MORN3: variants seen among roughly 807,000 people sequenced by gnomAD.
MORN3 encodes the protein MORN repeat-containing protein 3.
MORN3 carries 38 observed loss-of-function variants against 34.7 expected under a neutral mutation model. The observed-to-expected ratio is 1.10, with a 90% confidence interval of 0.85 to 1.44. The LOEUF (loss-of-function observed/expected upper bound fraction) is 1.44. Ranked by LOEUF, MORN3 falls within the 40% of genes most tolerant of loss-of-function variation. The pLI is 0.00. For synonymous variants in MORN3, 109 were observed against 115.3 expected (o/e 0.95, Z 0.35); for missense variants, 311 against 321.7 (o/e 0.97, Z 0.25).
intron 1 of MORN3, among the ~76,000 whole-genome samples, chr12:121,666,643 A>G (rs1013645327): frequency 3.9e-5 from 6 of 152,110 alleles, no homozygotes; most frequent in African/African-American, 1.4e-4. Flanking sequence ...AGATAGATGG[A>G]GAAGTTGTCC....
upstream of MORN3, among the ~76,000 whole-genome samples, chr12:121,671,106 C>A (rs1489302432): frequency 9.1e-6 from 1 of 110,080 alleles, no homozygotes; most frequent in East Asian, 2.9e-4. Flanking sequence ...GAGTGAGACT[C>A]TGTCTCAAAA....
At chr12:121,666,952 C>CTTTT (rs376062157) in intron 1 of MORN3, among the ~76,000 whole-genome samples, 24 of 108,172 alleles carry the variant, frequency 2.2e-4, no homozygotes, top group Non-Finnish European at 2.6e-4. Context: ...CCCACAACCT[C>CTTTT]TTTTTTTTTT....
chr12:121,656,938 T>C (rs1367895634), intron 2 of MORN3, among the ~76,000 whole-genome samples: 2 of 152,180 alleles, frequency 1.3e-5, no homozygotes. Flanking sequence ...CTCTTCCTAC[T>C]TGCCAATAAA....
chr12:121,658,977 C>T (rs1456800869), intron 2 of MORN3, among the ~76,000 whole-genome samples: 1 of 152,106 alleles, frequency 6.6e-6, no homozygotes, highest in East Asian at 1.9e-4. Flanking sequence ...CCTCCCTGGC[C>T]TTCTGTTGCT....
upstream of MORN3, among the ~76,000 whole-genome samples, chr12:121,669,828 A>T (rs1247065772): frequency 1.0e-4 from 12 of 117,472 alleles, no homozygotes; most frequent in South Asian, 2.6e-4. Context: ...ATATATATAT[A>T]TATATTTTTT....
rs532720755 is a variant in MORN3 at position 121,665,542 on chromosome 12, C to T, written c.145+3797G>A. ...CGGCACTTTGGCAGGCTGAGGCGGG[C>T]GGATCACGAGGTCAGGAGTTCGAGG... is the stretch of plus-strand genomic sequence containing the variant. On this transcript the variant is annotated intron_variant, in intron 1 of 5. Coordinates refer to ENST00000355329, the MANE Select transcript of MORN3 (RefSeq NM_173855.5). Among the ~76,000 whole-genome samples, 234 of 151,146 alleles carry T rather than the reference C, an allele frequency of 1.5e-3. 1 individual carries two copies. The highest frequency in any genetic ancestry group is 5.0e-3 in the African/African-American group (205 of 41,356).
intron 1 of MORN3, among the ~76,000 whole-genome samples, chr12:121,665,160 G>C (rs994560941): frequency 2.0e-5 from 3 of 151,696 alleles, no homozygotes; most frequent in African/African-American, 4.8e-5. Context: ...CGAGTTAGGG[G>C]TTGATACGCA....
rs1265033385 is a variant in MORN3, at chr12:121,649,099, C to G, written c.*2552G>C. On this transcript the variant is annotated 3_prime_UTR_variant, in exon 6 of 6. Coordinates refer to ENST00000355329, the MANE Select transcript of MORN3 (RefSeq NM_173855.5). Reference sequence around the variant, plus strand: ...GAGTAGCTGGGATTATAGATGCACTCCACCACACCCAGCTAATTTTTGTAT... The same window carrying G: ...GAGTAGCTGGGATTATAGATGCACTGCACCACACCCAGCTAATTTTTGTAT... 2.0e-5 allele frequency: 3 copies of G among 152,118 alleles called. No homozygotes were observed. The highest frequency in any genetic ancestry group is 7.2e-5 in the African/African-American group (3 of 41,384). The allele number at this position is 152,118 out of a possible 1,614,324, so 9.4% of individuals were successfully genotyped here. A position where few individuals can be genotyped will look rare whatever the true frequency, so the allele number is the denominator to read the frequency against.
At chr12:121,652,615 C>G (rs1412096292) in intron 5 of MORN3, 113 bp downstream of exon 5, 11 of 915,822 alleles carry the variant, frequency 1.2e-5, no homozygotes, top group Non-Finnish European at 1.9e-5. Context: ...TGGTCTTGCT[C>G]CCCCACTCCC....
chr12:121,669,990 C>T (rs2136889438), upstream of MORN3, among the ~76,000 whole-genome samples: 1 of 151,854 alleles, frequency 6.6e-6, no homozygotes, highest in South Asian at 2.1e-4. Context: ...TCTCGTGCCT[C>T]AGCCTCCTAA....
At chr12:121,666,720 TCTC>T in intron 1 of MORN3, among the ~76,000 whole-genome samples, 1 of 152,074 alleles carries the variant, frequency 6.6e-6, no homozygotes, top group African/African-American at 2.4e-5. Context: ...GGTGCTTCGT[TCTC>T]CTGCTGGATG....
rs1893209450 is a variant in MORN3, at chr12:121,649,859, ATTCT to A, written c.*1788_*1791del. The A allele has an allele frequency of 7.6e-6, 1 of 131,670 alleles. No individual in the cohort carries two copies. The highest frequency in any genetic ancestry group is 2.9e-5 in the African/African-American group (1 of 33,998). 8.2% of individuals were successfully genotyped at this position (131,670 alleles called of 1,614,324 possible). A position where few individuals can be genotyped will look rare whatever the true frequency, so the allele number is the denominator to read the frequency against. ...AAGTAGTTGGGATTACAGGTGCTGA[ATTCT>A]TTTTTTTTTTTTTTTTTGTAGCATG... On this transcript the variant is annotated 3_prime_UTR_variant, in exon 6 of 6. Transcript: ENST00000355329.
intron 1 of MORN3, among the ~76,000 whole-genome samples, chr12:121,668,637 C>T (rs1010173547): frequency 1.3e-5 from 2 of 152,016 alleles, no homozygotes; most frequent in Admixed American, 1.3e-4. Context: ...TTGCTTGAGC[C>T]CAGGATCTCG....
chr12:121,670,023 A>ATG (rs1238693966), upstream of MORN3, among the ~76,000 whole-genome samples: 3 of 151,406 alleles, frequency 2.0e-5, no homozygotes, highest in Non-Finnish European at 2.9e-5. Context: ...ACAGGCGCCC[A>ATG]CCACCACGCC....
At chr12:121,657,692 ACT>A (rs1893451516) in intron 2 of MORN3, among the ~76,000 whole-genome samples, 1 of 151,710 alleles carries the variant, frequency 6.6e-6, no homozygotes, top group Non-Finnish European at 1.5e-5. Context: ...ATATGGAGAA[ACT>A]CTGTCTCTAC....
intron 1 of MORN3, among the ~76,000 whole-genome samples, 192 bp from the exon 2 acceptor site, chr12:121,659,540 CTTTT>C (rs774070915): frequency 7.4e-6 from 1 of 135,880 alleles, no homozygotes; most frequent in Non-Finnish European, 1.5e-5. Context: ...TTCTTTCTTT[CTTTT>C]TTTTTTTTGA....
chr12:121,669,826 ATATATATTT>A (rs1456837615), upstream of MORN3, among the ~76,000 whole-genome samples: 5 of 116,814 alleles, frequency 4.3e-5, no homozygotes, highest in South Asian at 1.0e-3. Flanking sequence ...ATATATATAT[ATATATATTT>A]TTTTTTTTAT....
At chr12:121,663,024 C>G (rs1265770680) in intron 1 of MORN3, among the ~76,000 whole-genome samples, 2 of 151,952 alleles carry the variant, frequency 1.3e-5, no homozygotes, top group Non-Finnish European at 2.9e-5. Flanking sequence ...ATCTGGAGAC[C>G]TGGTGTACAG....
intron 1 of MORN3, among the ~76,000 whole-genome samples, chr12:121,662,144 C>T: frequency 6.6e-6 from 1 of 151,920 alleles, no homozygotes; most frequent in East Asian, 1.9e-4. Context: ...TCAAAGGGTG[C>T]ATACTTTTTG....
Sources: gnomAD v4.1 joint callset for allele counts (sites outside exome capture counted in the v4.1 genomes callset) on GRCh38, gnomAD v4.1.1 for gene constraint, MANE v1.5 for transcripts, NCBI Gene and HGNC (gene_info 2026-07-23, HGNC 2026-07-21) for gene names.